The following ABLIM2 variants were observed in gnomAD, a reference collection of about 807,000 sequenced individuals.
ABLIM2 encodes the protein actin binding LIM protein family member 2.
In ABLIM2, 53 loss-of-function variants were observed where a neutral mutation model predicts 97.7. The observed-to-expected ratio is 0.54, with a 90% CI of 0.44 to 0.68. ABLIM2 has a LOEUF of 0.68. Ranked by LOEUF, ABLIM2 falls within the 30% of genes least tolerant of loss-of-function variation. ABLIM2 has a pLI of 0.00. For synonymous variants in ABLIM2, 361 were observed against 345.8 expected, an observed-to-expected ratio of 1.04 and a Z score of -0.49; for missense variants, 835 against 867.2, an observed-to-expected ratio of 0.96 and a Z score of 0.47.
intron 14 of ABLIM2, chr4:8,010,477 G>T: frequency 1.0e-6 from 1 of 985,882 alleles, no homozygotes; most frequent in African/African-American, 1.7e-5. Context: ...GCCGTACCCT[G>T]CCTCCTGCAC....
chr4:8,003,105 A>G lies in ABLIM2; in HGVS notation c.1618+4954T>C, dbSNP rs1263367714. Among the ~76,000 whole-genome samples, 2 of 152,208 alleles carry G rather than the reference A, an allele frequency of 1.3e-5. No individual in the cohort carries two copies. Among genetic ancestry groups the G allele is most frequent in the African/African-American group, 4.8e-5 (2 of 41,466 alleles). On this transcript the variant is annotated intron_variant, in intron 16 of 20. Transcript: ENST00000447017. This position sits in a 1 kb window ranked among gnomAD's most constrained non-coding sequence, Gnocchi z 4.2. ...ACCCAGGACAGCACCGGAACACACC[A>G]AGCACTCATGAAATACAGAGAGATG...
rs901059595 is a variant in ABLIM2 at position 8,033,810 on chromosome 4, C to T, written c.1047+2339G>A. On this transcript the variant is annotated intron_variant, in intron 10 of 20. Coordinates refer to ENST00000447017, the MANE Select transcript of ABLIM2 (RefSeq NM_001130083.2). The surrounding 1 kb of genome is among the most constrained non-coding windows in gnomAD (Gnocchi z 4.5). ...ACCTCAGTGACAACAGCTAAGGGCC[C>T]GTGTCCACTTGGGCCTGGAAGCTGT... Among the ~76,000 whole-genome samples, 4 of 152,210 alleles carry T rather than the reference C, an allele frequency of 2.6e-5. No homozygotes were observed. Among genetic ancestry groups the T allele is most frequent in the African/African-American group, 7.2e-5 (3 of 41,462 alleles).
chr4:8,158,593 C>A, intron 1 of ABLIM2, 87 bp downstream of exon 1: 1 of 1,444,230 alleles, frequency 6.9e-7, no homozygotes, highest in Non-Finnish European at 9.2e-7. Context: ...CCCGGCGTTG[C>A]AGGTGCAGCC....
At chr4:8,065,793 G>A (rs1234720321) in intron 6 of ABLIM2, among the ~76,000 whole-genome samples, 1 of 151,924 alleles carries the variant, frequency 6.6e-6, no homozygotes, top group Non-Finnish European at 1.5e-5. Context: ...GCTTGGTGGC[G>A]GGTGCCTGTA....
In ABLIM2 at chr4:8,097,108, G is replaced by C. The variant is rs764287052; in HGVS notation, c.329C>G (p.Ala110Gly). The C allele has an allele frequency of 2.5e-6, 4 of 1,605,948 alleles. No individual in the cohort carries two copies. Among genetic ancestry groups the C allele is most frequent in the Admixed American group, 1.7e-5 (1 of 59,220 alleles). ...GTGCCCACTTACTCACCGGCAGACG[G>C]CACACACGAAGCAGTCGGGGTGGTA... ...KTYHPDCFVCAVCRLPFPPGD... is the reference protein window; with the variant it reads ...KTYHPDCFVCGVCRLPFPPGD... Residue 110 changes from alanine to glycine, a missense_variant, in exon 3 of 21, where the codon GCC becomes GGC. Coordinates refer to ENST00000447017, the MANE Select transcript of ABLIM2 (RefSeq NM_001130083.2).
chr4:8,097,760 G>T (rs1198415336), intron 2 of ABLIM2, among the ~76,000 whole-genome samples: 1 of 152,090 alleles, frequency 6.6e-6, no homozygotes, highest in Non-Finnish European at 1.5e-5. Flanking sequence ...AGGTCCTTGT[G>T]GTCGGTGCCT....
Position 8,035,790 on chromosome 4 carries a change from G to C in ABLIM2, c.1047+359C>G, listed in dbSNP as rs540397843. 7.2e-5 allele frequency among the ~76,000 whole-genome samples: 11 copies of C among 152,328 alleles called. 1 individual carries two copies. The highest frequency in any genetic ancestry group is 7.2e-4 in the Admixed American group (11 of 15,304). The stretch of plus-strand genomic sequence containing the variant: ...CACGGGCCAAGAGTCCGCTACAGAG[G>C]AAATGCATCTCATGCTTTATGAAAA... On this transcript the variant is annotated intron_variant, in intron 10 of 20. Transcript: ENST00000447017.
chr4:8,101,236 GCTCAGGATCCC>G (rs1452190013), intron 2 of ABLIM2, among the ~76,000 whole-genome samples: 1 of 152,220 alleles, frequency 6.6e-6, no homozygotes, highest in Admixed American at 6.5e-5. Flanking sequence ...GCCCAGCCCG[GCTCAGGATCCC>G]CTTCTGTGAA....
chr4:8,031,421 C>T (rs938847289), intron 10 of ABLIM2, among the ~76,000 whole-genome samples: 19 of 152,196 alleles, frequency 1.2e-4, no homozygotes, highest in Admixed American at 8.5e-4. Flanking sequence ...AAAAGATGCC[C>T]GGCCCCAGGC....
intron 20 of ABLIM2, among the ~76,000 whole-genome samples, chr4:7,979,259 C>T (rs1039987744): frequency 3.3e-5 from 5 of 152,256 alleles, no homozygotes; most frequent in African/African-American, 7.2e-5. Context: ...TTTGCTAGCA[C>T]GATCCCCACA....
Position 7,992,927 on chromosome 4 carries a change from C to A in ABLIM2, c.1619G>T (p.Arg540Leu). The stretch of plus-strand genomic sequence containing the variant: ...AGGGTCAGATTTGGAATAGGGGAAT[C>A]CTGAAACAGACACAGCACAGCTTTG... The part of the protein sequence containing the change: ...QRMAGDSFHS[R>L]FPYSKSDPLP... The change falls in exon 17 of 21, where the codon CGA becomes CTA. Residue 540 changes from arginine to leucine, a missense_variant and splice_region_variant. Arg to Leu is a moderately radical substitution (Grantham distance 102, BLOSUM62 -2). Transcript: ENST00000447017. This position sits in a 1 kb window ranked among gnomAD's most constrained non-coding sequence, Gnocchi z 5.7. The A allele has an allele frequency of 6.2e-7, 1 of 1,612,866 alleles. No individual in the cohort carries two copies. Among genetic ancestry groups the A allele is most frequent in the Non-Finnish European group, 8.5e-7 (1 of 1,179,728 alleles).
chr4:8,031,160 G>C (rs919937531), intron 10 of ABLIM2, among the ~76,000 whole-genome samples: 1 of 152,228 alleles, frequency 6.6e-6, no homozygotes, highest in Non-Finnish European at 1.5e-5. Flanking sequence ...TCCCAGTAAG[G>C]TTGGCCGAGG....
At chr4:7,980,114 C>T (rs1192088038) in intron 20 of ABLIM2, among the ~76,000 whole-genome samples, 2 of 152,068 alleles carry the variant, frequency 1.3e-5, no homozygotes, top group Admixed American at 1.3e-4. Context: ...AATTCTAAGC[C>T]CTGCAATGGC....
rs1170237188 is a variant in ABLIM2 at position 8,111,578 on chromosome 4, T to G, written c.11-4941A>C. 2.0e-5 allele frequency among the ~76,000 whole-genome samples: 3 copies of G among 152,228 alleles called. 1 individual carries two copies. In the East Asian group the frequency reaches 5.8e-4, roughly 29 times the overall value. ...GGGATGGGAGCACATCGGAACTCTC[T>G]GTGTCTTATCTAGAAACCAAGAGAT... On this transcript the variant is annotated intron_variant, in intron 1 of 20. Transcript: ENST00000447017.
rs1200909917 is a variant in ABLIM2, at chr4:8,127,555, C to A, written c.11-20918G>T. The A allele has an allele frequency of 7.8e-7, 1 of 1,289,638 alleles. No homozygotes were observed. Among genetic ancestry groups the A allele is most frequent in the Non-Finnish European group, 1.0e-6 (1 of 988,836 alleles). 79.9% of individuals were successfully genotyped at this position (1,289,638 alleles called of 1,614,324 possible). A position where few individuals can be genotyped will look rare whatever the true frequency, so the allele number is the denominator to read the frequency against. On this transcript the variant is annotated intron_variant, in intron 1 of 20. Transcript: ENST00000447017. This position sits in a 1 kb window ranked among gnomAD's most constrained non-coding sequence, Gnocchi z 7.3. ...GCAGTTTGGGGATTTACCTGTGTCT[C>A]CCCCTGGCACCCCCATGGAGCGTGG... is the stretch of plus-strand genomic sequence containing the variant.
intron 9 of ABLIM2, among the ~76,000 whole-genome samples, chr4:8,037,598 C>T (rs1042619170): frequency 6.6e-6 from 1 of 152,132 alleles, no homozygotes; most frequent in Non-Finnish European, 1.5e-5. Flanking sequence ...CCCAGATTCA[C>T]CCACAAACGT....
rs575503090 is a variant in ABLIM2, at chr4:8,068,461, C to T, written c.676-7407G>A. ...ACTGTGACGTGCAGAATAGGGCCAG[C>T]AGGACAGAGGTGTGGCAAAGCTGTC... On this transcript the variant is annotated intron_variant, in intron 6 of 20. Transcript: ENST00000447017. The surrounding 1 kb of genome is among the most constrained non-coding windows in gnomAD (Gnocchi z 4.5). Among the ~76,000 whole-genome samples, 1 of 152,290 alleles carries T rather than the reference C, an allele frequency of 6.6e-6. No individual in the cohort carries two copies. The highest frequency in any genetic ancestry group is 2.4e-5 in the African/African-American group (1 of 41,568).
chr4:8,124,436 C>T lies in ABLIM2; in HGVS notation c.11-17799G>A, dbSNP rs962419163. ...GTCACTCCCGTTTTCCCTCCGCAGC[C>T]CCTGGTAACAACTGGTCTGTCTCTG... On this transcript the variant is annotated intron_variant, in intron 1 of 20. Coordinates refer to ENST00000447017, the MANE Select transcript of ABLIM2 (RefSeq NM_001130083.2). The surrounding 1 kb of genome is among the most constrained non-coding windows in gnomAD (Gnocchi z 6.1). Among the ~76,000 whole-genome samples the T allele has an allele frequency of 6.6e-6, 1 of 152,198 alleles. No homozygotes were observed. The highest frequency in any genetic ancestry group is 6.5e-5 in the Admixed American group (1 of 15,282).
chr4:7,975,529 C>A (rs1049171606), intron 20 of ABLIM2, among the ~76,000 whole-genome samples: 15 of 152,292 alleles, frequency 9.8e-5, no homozygotes, highest in African/African-American at 2.6e-4. Context: ...TTGGCCATGC[C>A]CCATCAGTGA....
Sources: allele counts gnomAD v4.1 joint callset (sites outside exome capture counted in the v4.1 genomes callset), GRCh38; gene constraint gnomAD v4.1.1; non-coding constraint Gnocchi (gnomAD v3.1); transcripts MANE v1.5; gene names NCBI Gene and HGNC (gene_info 2026-07-23, HGNC 2026-07-21).